The following FRMPD4 variants were observed in gnomAD, a reference collection of about 807,000 sequenced individuals.
FRMPD4 encodes the protein FERM and PDZ domain containing 4.
Under a neutral mutation model 94.1 loss-of-function variants are expected in FRMPD4, and 22 were observed. The observed-to-expected ratio is 0.23, with a 90% CI of 0.17 to 0.33. FRMPD4 has a LOEUF of 0.33. Among genes scored for constraint, FRMPD4 ranks in the 10% least tolerant of loss-of-function variants. FRMPD4 has a pLI of 1.00. For missense variants in FRMPD4, 1,111 were observed against 1,339.9 expected, an observed-to-expected ratio of 0.83 and a Z score of 2.67; for synonymous variants, 631 against 548.6, an observed-to-expected ratio of 1.15 and a Z score of -2.10.
chrX:12,408,114 G>A (rs1321701470), intron 1 of FRMPD4, among the ~76,000 whole-genome samples: 1 of 107,184 alleles, frequency 9.3e-6, no homozygotes, highest in African/African-American at 3.4e-5. Flanking sequence ...ACAAGATGGT[G>A]GATCCCTATG....
intron 3 of FRMPD4, among the ~76,000 whole-genome samples, chrX:12,089,605 G>A (rs967089604): frequency 2.7e-5 from 3 of 111,906 alleles, no homozygotes; most frequent in African/African-American, 9.7e-5. Context: ...AACATTTGTG[G>A]AGTGTCTGTT....
chrX:12,417,983 G>A (rs1601920481), intron 1 of FRMPD4, among the ~76,000 whole-genome samples: 1 of 80,695 alleles, frequency 1.2e-5, no homozygotes, highest in East Asian at 4.0e-4. Flanking sequence ...GACAGAGCAA[G>A]ACTCTGTCTC....
intron 1 of FRMPD4, among the ~76,000 whole-genome samples, chrX:12,173,255 C>T (rs188945900): frequency 2.9e-4 from 33 of 112,113 alleles, no homozygotes; most frequent in Admixed American, 7.5e-4. Flanking sequence ...AGATCTTGCA[C>T]CCAGATTGTA....
At chrX:12,697,466 C>A (rs1221003930) in intron 9 of FRMPD4, among the ~76,000 whole-genome samples, 3 of 112,371 alleles carry the variant, frequency 2.7e-5, no homozygotes, top group Non-Finnish European at 5.6e-5. Flanking sequence ...TATATACTCA[C>A]CCCATTCACA....
In FRMPD4 at chrX:12,716,295, G is replaced by A. The variant is rs913279781; in HGVS notation, c.1836G>A (p.Gln612=). 3.3e-6 allele frequency: 4 copies of A among 1,208,718 alleles called. No individual in the cohort carries two copies. Among genetic ancestry groups the A allele is most frequent in the Middle Eastern group, 2.3e-4 (1 of 4,368 alleles). Residue 612 remains glutamine, a synonymous_variant, in exon 15 of 17, where the codon CAG becomes CAA. Coordinates refer to ENST00000675598, the MANE Select transcript of FRMPD4 (RefSeq NM_001368397.1). ...SSDGLNQQLS[Q]PGEAPCEADY... ...ATGGACTTAACCAGCAGCTGAGCCA[G>A]CCCGGGGAGGCCCCCTGTGAGGCAG...
chrX:11,948,577 C>T (rs1457270957), intron 3 of FRMPD4, among the ~76,000 whole-genome samples: 1 of 111,118 alleles, frequency 9.0e-6, no homozygotes, highest in Non-Finnish European at 1.9e-5. Flanking sequence ...TTTTAGTTCC[C>T]CTAGGCTGGG....
At chrX:12,035,087 G>C (rs1441119434) in intron 3 of FRMPD4, among the ~76,000 whole-genome samples, 1 of 111,991 alleles carries the variant, frequency 8.9e-6, no homozygotes, top group Non-Finnish European at 1.9e-5. Context: ...GCACAATCAG[G>C]ATGCTCCGTT....
intron 2 of FRMPD4, among the ~76,000 whole-genome samples, chrX:12,541,672 C>G (rs181105384): frequency 4.9e-4 from 55 of 112,066 alleles, no homozygotes; most frequent in Middle Eastern, 4.6e-3. Flanking sequence ...CAAGAAGGAG[C>G]TGGTACCATT....
chrX:12,558,256 C>T (rs1419527466), intron 2 of FRMPD4, among the ~76,000 whole-genome samples: 2 of 112,481 alleles, frequency 1.8e-5, no homozygotes, highest in Admixed American at 9.4e-5. Context: ...AGGTTGATTG[C>T]GCATGCAAAA....
chrX:12,218,468 C>G (rs770904754), intron 1 of FRMPD4, among the ~76,000 whole-genome samples: 13 of 111,580 alleles, frequency 1.2e-4, no homozygotes, highest in Non-Finnish European at 2.1e-4. Context: ...AGAAATTTGT[C>G]TGGTCAAGGA....
rs886262275 is a variant in FRMPD4 at position 12,668,682 on chromosome X, G to A, written c.423-6181G>A. On this transcript the variant is annotated intron_variant, in intron 4 of 16. Coordinates refer to ENST00000675598, the MANE Select transcript of FRMPD4 (RefSeq NM_001368397.1). ...TGCAGTGGTGCAATCTTGGCTCACT[G>A]CAACCTCCACCTCCTGGGTTCAAGC... is the stretch of plus-strand genomic sequence containing the variant. Among the ~76,000 whole-genome samples the A allele has an allele frequency of 4.1e-5, 4 of 97,838 alleles. No individual in the cohort carries two copies. The East Asian group carries it at 1.3e-3, about 32-fold the overall frequency. The allele number at this position is 97,838 out of a possible 115,157, so 85.0% of individuals were successfully genotyped here.
rs182784472 is a variant in FRMPD4 at position 12,540,947 on chromosome X, G to A, written c.158+42151G>A. Among the ~76,000 whole-genome samples, 33 of 111,687 alleles carry A rather than the reference G, an allele frequency of 3.0e-4. 1 individual carries two copies. Among genetic ancestry groups the A allele is most frequent in the Admixed American group, 2.7e-3 (28 of 10,484 alleles). On this transcript the variant is annotated intron_variant, in intron 2 of 16. Transcript: ENST00000675598. ...AGGATTAAGAAACTCACTCAAAACC[G>A]CCCAACTACATGGAAACTGAACAAC...
intron 2 of FRMPD4, among the ~76,000 whole-genome samples, chrX:12,538,335 C>T (rs1252201709): frequency 2.1e-5 from 2 of 95,350 alleles, no homozygotes; most frequent in Non-Finnish European, 4.3e-5. Flanking sequence ...CCAGGAAGCT[C>T]GAAATGGGTG....
At chrX:12,078,068 C>T (rs1449187812) in intron 3 of FRMPD4, among the ~76,000 whole-genome samples, 3 of 111,401 alleles carry the variant, frequency 2.7e-5, no homozygotes. Context: ...CTCCAAGTTC[C>T]CTCAGGCCGT....
At chrX:12,083,814 G>T (rs1004818151) in intron 3 of FRMPD4, among the ~76,000 whole-genome samples, 1 of 112,251 alleles carries the variant, frequency 8.9e-6, no homozygotes, top group African/African-American at 3.2e-5. Flanking sequence ...TTTCAGACTT[G>T]CATGAGCCCT....
chrX:12,209,239 A>G (rs1445148012), intron 1 of FRMPD4, among the ~76,000 whole-genome samples: 1 of 112,266 alleles, frequency 8.9e-6, no homozygotes, highest in Non-Finnish European at 1.9e-5. Flanking sequence ...TCATAAAACT[A>G]AAAGCAGATA....
intron 4 of FRMPD4, among the ~76,000 whole-genome samples, chrX:12,657,997 T>C (rs1361526779): frequency 2.7e-5 from 3 of 111,779 alleles, no homozygotes; most frequent in Middle Eastern, 4.6e-3. Flanking sequence ...CCATGAACCC[T>C]GAAAGACAGA....
chrX:12,222,630 A>G (rs2056881636), intron 1 of FRMPD4, among the ~76,000 whole-genome samples: 1 of 112,388 alleles, frequency 8.9e-6, no homozygotes, highest in African/African-American at 3.2e-5. Flanking sequence ...GAAAGTTCGT[A>G]TGTGCTTGCT....
chrX:12,091,861 C>T (rs1313454327), intron 3 of FRMPD4, among the ~76,000 whole-genome samples: 1 of 110,992 alleles, frequency 9.0e-6, no homozygotes, highest in Non-Finnish European at 1.9e-5. Flanking sequence ...ATTCATTTTC[C>T]AACCTGTAGA....
Sources: allele counts gnomAD v4.1 joint callset (sites outside exome capture counted in the v4.1 genomes callset), GRCh38; gene constraint gnomAD v4.1.1; transcripts MANE v1.5; gene names NCBI Gene and HGNC (gene_info 2026-07-23, HGNC 2026-07-21).